The following IGFBP5 variants were observed in gnomAD, a reference collection of about 807,000 sequenced individuals.
IGFBP5 encodes the protein insulin like growth factor binding protein 5.
Under a neutral mutation model 28.0 loss-of-function variants are expected in IGFBP5, and 12 were observed. The observed-to-expected ratio is 0.43, with a 90% confidence interval of 0.27 to 0.69. The LOEUF (loss-of-function observed/expected upper bound fraction) is 0.69. Ranked by LOEUF, IGFBP5 falls within the 30% of genes least tolerant of loss-of-function variation. The probability of loss-of-function intolerance (pLI) is 0.20; values close to 1 mark genes in which losing one functional copy is unlikely to be tolerated. For synonymous variants in IGFBP5, 152 were observed against 150.2 expected, an observed-to-expected ratio of 1.01 and a Z score of -0.09; for missense variants, 344 against 381.6, an observed-to-expected ratio of 0.90 and a Z score of 0.82.
rs544365963 is a variant in IGFBP5 at position 216,688,944 on chromosome 2, A to G, written c.337+5495T>C. On this transcript the variant is annotated intron_variant, in intron 1 of 3. Coordinates refer to ENST00000233813, the MANE Select transcript of IGFBP5 (RefSeq NM_000599.4). Reference sequence around the variant, plus strand: ...CCAGAAGTCCCCAGCTGCCCTCTGGAAGCACATCTCTCCTCTCCTGCTGAA... The same window carrying G: ...CCAGAAGTCCCCAGCTGCCCTCTGGGAGCACATCTCTCCTCTCCTGCTGAA... Among the ~76,000 whole-genome samples the G allele has an allele frequency of 5.9e-5, 9 of 152,296 alleles. No individual in the cohort carries two copies. The East Asian group carries it at 1.5e-3, about 26-fold the overall frequency.
chr2:216,681,401 G>C (rs1457247549), intron 1 of IGFBP5, among the ~76,000 whole-genome samples: 1 of 152,162 alleles, frequency 6.6e-6, no homozygotes, highest in Non-Finnish European at 1.5e-5. Flanking sequence ...GAGGGCAGGT[G>C]GGGGAGTGGG....
intron 2 of IGFBP5, 103 bp downstream of exon 2, chr2:216,678,747 C>T: frequency 2.1e-6 from 2 of 945,186 alleles, no homozygotes; most frequent in African/African-American, 1.6e-5. Context: ...GCTGTAGGTC[C>T]TCTGCTGGGT....
chr2:216,684,307 C>G (rs893926169), intron 1 of IGFBP5, among the ~76,000 whole-genome samples: 4 of 152,164 alleles, frequency 2.6e-5, no homozygotes, highest in Non-Finnish European at 5.9e-5. Flanking sequence ...AAATCTAAAC[C>G]CCCCGCCCCC....
intron 1 of IGFBP5, among the ~76,000 whole-genome samples, chr2:216,687,998 G>T (rs1221006688): frequency 6.6e-6 from 1 of 152,058 alleles, no homozygotes; most frequent in African/African-American, 2.4e-5. Context: ...GGAAAGAGTG[G>T]GGACAGCAGT....
At chr2:216,684,866 G>A (rs2106221700) in intron 1 of IGFBP5, among the ~76,000 whole-genome samples, 1 of 152,352 alleles carries the variant, frequency 6.6e-6, no homozygotes, top group South Asian at 2.1e-4. Flanking sequence ...CTCCTGCCCT[G>A]GAGCAAGATA....
At chr2:216,688,969 A>G (rs1689061937) in intron 1 of IGFBP5, among the ~76,000 whole-genome samples, 1 of 152,136 alleles carries the variant, frequency 6.6e-6, no homozygotes, top group African/African-American at 2.4e-5. Flanking sequence ...CTCCTGCTGA[A>G]AGATCTGAGA....
rs565415034 is a variant in IGFBP5, at chr2:216,679,422, A to G, written c.338-343T>C. 6.6e-6 allele frequency among the ~76,000 whole-genome samples: 1 copy of G among 152,178 alleles called. No individual in the cohort carries two copies. The highest frequency in any genetic ancestry group is 6.5e-5 in the Admixed American group (1 of 15,292). On this transcript the variant is annotated intron_variant, in intron 1 of 3. Transcript: ENST00000233813. The surrounding 1 kb of genome is among the most constrained non-coding windows in gnomAD (Gnocchi z 4.6). ...GAAGGGCAAGGAAAATGGCCTCTGC[A>G]AGGATGAAGGTGGCAGCGAGCGGTT...
At chr2:216,681,572 G>A (rs1688978408) in intron 1 of IGFBP5, among the ~76,000 whole-genome samples, 1 of 152,054 alleles carries the variant, frequency 6.6e-6, no homozygotes, top group Non-Finnish European at 1.5e-5. Context: ...CCTTTCCGTA[G>A]GCCATTTAGT....
In IGFBP5 at chr2:216,679,325, AGAG is replaced by A. The variant is rs11575193; in HGVS notation, c.338-249_338-247del. Reference sequence around the variant, plus strand: ...GAGAGTGCAGGCAGGGAGGCTTCACAGAGGAGGAGAATCGAGAGACTGACAGAC... The same window carrying A: ...GAGAGTGCAGGCAGGGAGGCTTCACAGAGGAGAATCGAGAGACTGACAGAC... On this transcript the variant is annotated intron_variant, in intron 1 of 3. Coordinates refer to ENST00000233813, the MANE Select transcript of IGFBP5 (RefSeq NM_000599.4). This position sits in a 1 kb window ranked among gnomAD's most constrained non-coding sequence, Gnocchi z 4.6. 5.1e-3 allele frequency: 2,831 copies of A among 551,706 alleles called. 63 individuals carry two copies. The highest frequency in any genetic ancestry group is 0.049 in the African/African-American group (2,619 of 52,982). The allele number at this position is 551,706 out of a possible 1,614,324, so 34.2% of individuals were successfully genotyped here. A position where few individuals can be genotyped will look rare whatever the true frequency, so the allele number is the denominator to read the frequency against.
At chr2:216,690,883 G>T (rs1380865344) in intron 1 of IGFBP5, among the ~76,000 whole-genome samples, 1 of 137,624 alleles carries the variant, frequency 7.3e-6, no homozygotes, top group Admixed American at 7.1e-5. Flanking sequence ...TGGGGGAGGG[G>T]GGGCGGGGTG....
chr2:216,684,578 C>T (rs948211430), intron 1 of IGFBP5, among the ~76,000 whole-genome samples: 11 of 152,108 alleles, frequency 7.2e-5, no homozygotes, highest in East Asian at 1.9e-4. Flanking sequence ...AAGATGAGGA[C>T]GCCTAGAATC....
chr2:216,675,886 A>T lies in IGFBP5; in HGVS notation c.*865T>A, dbSNP rs994289754. 3 of 152,274 alleles carry T rather than the reference A, an allele frequency of 2.0e-5. No individual in the cohort carries two copies. Among genetic ancestry groups the T allele is most frequent in the Non-Finnish European group, 4.4e-5 (3 of 68,022 alleles). 9.4% of individuals were successfully genotyped at this position (152,274 alleles called of 1,614,324 possible). A position where few individuals can be genotyped will look rare whatever the true frequency, so the allele number is the denominator to read the frequency against. Reference sequence around the variant, plus strand: ...TACAAATTGAATTAAATGAGGGCTGAAACGGCACGCTTCAGCATGTACTGT... The same window carrying T: ...TACAAATTGAATTAAATGAGGGCTGTAACGGCACGCTTCAGCATGTACTGT... On this transcript the variant is annotated 3_prime_UTR_variant, in exon 4 of 4. Coordinates refer to ENST00000233813, the MANE Select transcript of IGFBP5 (RefSeq NM_000599.4).
At chr2:216,680,742 G>GT in intron 1 of IGFBP5, among the ~76,000 whole-genome samples, 1 of 152,266 alleles carries the variant, frequency 6.6e-6, no homozygotes, top group East Asian at 1.9e-4. Context: ...AGGAAGGGAC[G>GT]TAATTACTGG....
At chr2:216,678,064 GCCA>G (rs746753672) in intron 3 of IGFBP5, 45 bp downstream of exon 3, 4 of 1,365,842 alleles carry the variant, frequency 2.9e-6, no homozygotes, top group Non-Finnish European at 3.8e-6. Context: ...CCTGGCAGGT[GCCA>G]TTTTTGGAGC....
chr2:216,676,815 G>A lies in IGFBP5; in HGVS notation c.755C>T (p.Pro252Leu). ...WCVDKYGMKL[P>L]GMEYVDGDFQ... The stretch of plus-strand genomic sequence containing the variant: ...GTCCCCGTCAACGTACTCCATGCCT[G>A]GCAGCTTCATCCCGTACTTGTCCAC... The change falls in exon 4 of 4, where the codon CCA (proline) becomes CTA (leucine). Residue 252 changes from proline (P) to leucine (L), a missense_variant. This residue lies in a region of IGFBP5 where 36 missense variants were observed against 34.1 expected (regional missense o/e 1.06). Transcript: ENST00000233813. 1 of 1,613,960 alleles carries A rather than the reference G, an allele frequency of 6.2e-7. No individual in the cohort carries two copies. Among genetic ancestry groups the A allele is most frequent in the South Asian group, 1.1e-5 (1 of 91,072 alleles).
At chr2:216,687,163 G>A (rs1415242255) in intron 1 of IGFBP5, among the ~76,000 whole-genome samples, 1 of 152,180 alleles carries the variant, frequency 6.6e-6, no homozygotes, top group Non-Finnish European at 1.5e-5. Flanking sequence ...GCCAGAAAGT[G>A]TTGGCTCGAC....
intron 1 of IGFBP5, among the ~76,000 whole-genome samples, chr2:216,685,527 G>A (rs1689024279): frequency 6.6e-6 from 1 of 152,144 alleles, no homozygotes; most frequent in African/African-American, 2.4e-5. Context: ...AGAATGTTCT[G>A]CAGTCCCCCT....
Position 216,672,375 on chromosome 2 carries a change from C to G in IGFBP5, c.*4376G>C, listed in dbSNP as rs1363940856. On this transcript the variant is annotated 3_prime_UTR_variant, in exon 4 of 4. Coordinates refer to ENST00000233813, the MANE Select transcript of IGFBP5 (RefSeq NM_000599.4). ...TGCATTTGTTGATTTATTTTTCCAT[C>G]CTTTTCACCAGTAAAGATTATCATC... 8.5e-6 allele frequency: 1 copy of G among 117,234 alleles called. No homozygotes were observed. The highest frequency in any genetic ancestry group is 3.3e-5 in the African/African-American group (1 of 30,622). 7.3% of individuals were successfully genotyped at this position (117,234 alleles called of 1,614,324 possible).
intron 3 of IGFBP5, 76 bp downstream of exon 3, chr2:216,678,036 T>C: frequency 7.5e-7 from 1 of 1,342,060 alleles, no homozygotes; most frequent in Non-Finnish European, 9.7e-7. Context: ...CCTTAGGCAC[T>C]TGCCCAAGGT....
Sources: gnomAD v4.1 joint callset for allele counts (sites outside exome capture counted in the v4.1 genomes callset) on GRCh38, gnomAD v4.1.1 for gene constraint, gnomAD v4.1.1 regional missense constraint, Gnocchi (gnomAD v3.1) non-coding constraint, MANE v1.5 for transcripts, NCBI Gene and HGNC (gene_info 2026-07-23, HGNC 2026-07-21) for gene names.